WAPL: variants seen among roughly 807,000 people sequenced by gnomAD.
WAPL encodes wings apart-like protein homolog.
In WAPL, 5 loss-of-function variants were observed where a neutral mutation model predicts 121.0. The observed-to-expected ratio is 0.04, with a 90% CI of 0.02 to 0.09. The LOEUF (loss-of-function observed/expected upper bound fraction) is 0.09, where lower values mean the gene tolerates loss of function less well. WAPL is among the 10% of genes least tolerant of loss of function. The probability of loss-of-function intolerance (pLI) is 1.00; values close to 1 mark genes in which losing one functional copy is unlikely to be tolerated. For synonymous variants in WAPL, 480 were observed against 481.5 expected, an observed-to-expected ratio of 1.00 and a Z score of 0.04; for missense variants, 999 against 1,410.8, an observed-to-expected ratio of 0.71 and a Z score of 4.68.
chr10:86,439,746 C>T (rs1849415233), intron 17 of WAPL, among the ~76,000 whole-genome samples: 1 of 152,198 alleles, frequency 6.6e-6, no homozygotes, highest in Non-Finnish European at 1.5e-5. Context: ...TCAGTAAGTG[C>T]TCTGAAGTAA....
intron 2 of WAPL, among the ~76,000 whole-genome samples, chr10:86,505,669 T>C (rs529167901): frequency 6.6e-6 from 1 of 152,278 alleles, no homozygotes; most frequent in Non-Finnish European, 1.5e-5. Context: ...TTTAAATGCA[T>C]ATACATATTT....
chr10:86,455,286 G>C (rs1411439917), intron 12 of WAPL, among the ~76,000 whole-genome samples: 1 of 152,230 alleles, frequency 6.6e-6, no homozygotes, highest in Non-Finnish European at 1.5e-5. Flanking sequence ...TTGTTATTGT[G>C]TCTGTGTAGA....
At chr10:86,459,214 T>A in intron 11 of WAPL, 149 bp from the exon 12 acceptor site, 1 of 594,124 alleles carries the variant, frequency 1.7e-6, no homozygotes, top group Non-Finnish European at 2.9e-6. Flanking sequence ...ACCTACAGGT[T>A]CCAGGTGTAA....
At position 86,497,423 on chromosome 10, in the gene WAPL, A is replaced by C. The variant is rs542539459; in HGVS notation, c.1526-104T>G. 4.8e-5 allele frequency: 42 copies of C among 875,100 alleles called. No individual in the cohort carries two copies. In the African/African-American group the frequency reaches 6.7e-4, roughly 14 times the overall value. The allele number at this position is 875,100 out of a possible 1,614,324, so 54.2% of individuals were successfully genotyped here. ...ATGAATGAATGAAAATGGGAAGAAAAGAATAAAGGAAATCACAGCACCACA... is the reference window on the plus strand; with the variant it reads ...ATGAATGAATGAAAATGGGAAGAAACGAATAAAGGAAATCACAGCACCACA... On this transcript the variant is annotated intron_variant, in intron 3 of 18. Coordinates refer to ENST00000298767, the MANE Select transcript of WAPL (RefSeq NM_015045.5).
rs908919512 is a variant in WAPL at position 86,507,332 on chromosome 10, C to T, written c.500-6589G>A. 3.6e-5 allele frequency among the ~76,000 whole-genome samples: 5 copies of T among 140,604 alleles called. 1 individual carries two copies. Among genetic ancestry groups the T allele is most frequent in the Non-Finnish European group, 7.5e-5 (5 of 66,418 alleles). The allele number at this position is 140,604 out of a possible 152,430, so 92.2% of individuals were successfully genotyped here. On this transcript the variant is annotated intron_variant, in intron 2 of 18. Coordinates refer to ENST00000298767, the MANE Select transcript of WAPL (RefSeq NM_015045.5). ...GCAGTCAGCCAAGACTGTGCCACTG[C>T]ACTCCAGCCTGGGCGTCAGCGAGAC...
chr10:86,439,846 C>T (rs1205409598), intron 17 of WAPL, among the ~76,000 whole-genome samples: 1 of 152,186 alleles, frequency 6.6e-6, no homozygotes, highest in Non-Finnish European at 1.5e-5. Flanking sequence ...TGCAATGCAC[C>T]AGCTGCAAAG....
chr10:86,505,151 C>A (rs1357370483), intron 2 of WAPL, among the ~76,000 whole-genome samples: 1 of 149,036 alleles, frequency 6.7e-6, no homozygotes, highest in Non-Finnish European at 1.5e-5. Context: ...TTCCTAAAAG[C>A]TGTAGAGTTT....
intron 2 of WAPL, among the ~76,000 whole-genome samples, chr10:86,515,496 T>G (rs1842537887): frequency 6.6e-6 from 1 of 152,082 alleles, no homozygotes; most frequent in Admixed American, 6.6e-5. Flanking sequence ...AAAAAAAGTT[T>G]GATGGGCCAG....
chr10:86,487,751 C>A (rs538502511), intron 4 of WAPL, among the ~76,000 whole-genome samples: 1 of 152,110 alleles, frequency 6.6e-6, no homozygotes, highest in South Asian at 2.1e-4. Context: ...AAAAATTAGC[C>A]GGGCATGGTG....
intron 15 of WAPL, among the ~76,000 whole-genome samples, chr10:86,449,373 A>G (rs1190610307): frequency 6.6e-6 from 1 of 152,226 alleles, no homozygotes; most frequent in African/African-American, 2.4e-5. Flanking sequence ...GAGTAACAGA[A>G]CCCATCACCC....
chr10:86,483,794 CTTTTT>C (rs35725128), intron 4 of WAPL, among the ~76,000 whole-genome samples: 5 of 69,180 alleles, frequency 7.2e-5, no homozygotes, highest in Non-Finnish European at 1.3e-4. Context: ...ATTTTTTTTT[CTTTTT>C]TTTTTTTTTT....
intron 12 of WAPL, 147 bp from the exon 13 acceptor site, chr10:86,453,978 G>T: frequency 4.3e-6 from 3 of 693,810 alleles, no homozygotes; most frequent in Non-Finnish European, 4.3e-6. Context: ...TTCAAGGAAT[G>T]TTAAAATTAA....
chr10:86,478,968 A>C (rs1841722276), intron 4 of WAPL, among the ~76,000 whole-genome samples: 1 of 152,022 alleles, frequency 6.6e-6, no homozygotes, highest in Non-Finnish European at 1.5e-5. Flanking sequence ...GTGGTGGCAC[A>C]CATCTGTAAT....
intron 12 of WAPL, among the ~76,000 whole-genome samples, chr10:86,454,668 T>C (rs996483371): frequency 5.2e-4 from 79 of 152,282 alleles, no homozygotes; most frequent in African/African-American, 1.5e-3. Context: ...GTCTGGGAAG[T>C]GAGGAGCGTC....
intron 8 of WAPL, among the ~76,000 whole-genome samples, chr10:86,469,409 C>G (rs937292087): frequency 3.3e-5 from 5 of 151,844 alleles, no homozygotes; most frequent in Admixed American, 6.6e-5. Flanking sequence ...AGCACCACCA[C>G]GCCCGAGTAA....
chr10:86,442,114 C>T (rs568688271), intron 17 of WAPL, among the ~76,000 whole-genome samples: 1 of 152,326 alleles, frequency 6.6e-6, no homozygotes, highest in African/African-American at 2.4e-5. Context: ...GCAAACTCCG[C>T]CTCCAGGATT....
Position 86,517,937 on chromosome 10 carries a change from C to T in WAPL, c.133G>A (p.Gly45Arg). 2 of 1,614,110 alleles carry T rather than the reference C, an allele frequency of 1.2e-6. No homozygotes were observed. The highest frequency in any genetic ancestry group is 1.7e-6 in the Non-Finnish European group (2 of 1,180,016). The change falls in exon 2 of 19, where the codon GGG (glycine) becomes AGG (arginine). Residue 45 changes from glycine to arginine, a missense_variant. By Grantham distance (125) the Gly-to-Arg change is moderately radical. Transcript: ENST00000298767. ...WGETTFMAKL[G>R]QKRPNFKPDI... ...GGTTTGAAATTGGGCCTCTTCTGCC[C>T]TAATTTAGCCATAAATGTGGTCTCT... is the stretch of plus-strand genomic sequence containing the variant.
At chr10:86,505,191 G>GTT (rs34790440) in intron 2 of WAPL, among the ~76,000 whole-genome samples, 3,177 of 150,418 alleles carry the variant, frequency 0.021, 126 homozygotes, top group African/African-American at 0.072. Context: ...ATTTTTTTAT[G>GTT]TTTTTTTTAT....
At chr10:86,468,190 T>C (rs1208197619) in intron 8 of WAPL, among the ~76,000 whole-genome samples, 3 of 152,042 alleles carry the variant, frequency 2.0e-5, no homozygotes, top group Admixed American at 2.0e-4. Context: ...AACCTTATTA[T>C]GATATACCTC....
Sources: allele counts gnomAD v4.1 joint callset (sites outside exome capture counted in the v4.1 genomes callset), GRCh38; gene constraint gnomAD v4.1.1; transcripts MANE v1.5; gene names NCBI Gene and HGNC (gene_info 2026-07-23, HGNC 2026-07-21).